Variants in ZNF827 observed in about 807,000 individuals in gnomAD.
ZNF827 encodes the protein zinc finger protein 827.
ZNF827 carries 13 observed loss-of-function variants against 102.4 expected under a neutral mutation model. That is an observed-to-expected ratio of 0.13 (90% confidence interval 0.08 to 0.20). ZNF827 has a LOEUF of 0.20. ZNF827 is among the 10% of genes least tolerant of loss of function. ZNF827 has a pLI of 1.00. For synonymous variants in ZNF827, 523 were observed against 536.2 expected (o/e 0.98, Z 0.34); for missense variants, 1,103 against 1,344.4 (o/e 0.82, Z 2.81).
chr4:145,768,630 A>G (rs1395763622), intron 11 of ZNF827, among the ~76,000 whole-genome samples: 1 of 151,448 alleles, frequency 6.6e-6, no homozygotes, highest in Non-Finnish European at 1.5e-5. Flanking sequence ...ACTGTTCTCC[A>G]ATTATCTTCA....
At chr4:145,882,132 G>A (rs1177347053) in intron 4 of ZNF827, among the ~76,000 whole-genome samples, 7 of 152,240 alleles carry the variant, frequency 4.6e-5, no homozygotes, top group South Asian at 2.1e-4. Context: ...TTAGCTCTCC[G>A]CAGTCGGGTG....
chr4:145,816,898 G>T (rs1047791490), intron 8 of ZNF827, among the ~76,000 whole-genome samples: 2 of 152,174 alleles, frequency 1.3e-5, no homozygotes, highest in Non-Finnish European at 2.9e-5. Context: ...AAATGTTCCT[G>T]CAAACTAGAA....
chr4:145,779,637 T>C, intron 8 of ZNF827, 126 bp from the exon 9 acceptor site: 1 of 1,294,152 alleles, frequency 7.7e-7, no homozygotes, highest in Non-Finnish European at 1.1e-6. Context: ...CAAATGAGTC[T>C]CCGTAACTGG....
Position 145,760,780 on chromosome 4 carries a change from C to T in ZNF827, c.*836G>A. ...TTTTGGTACAGAACATGGCTGCCCT[C>T]AGACAGTCTCTGCTCTTTCTCTCAG... On this transcript the variant is annotated 3_prime_UTR_variant, in exon 15 of 15. Coordinates refer to ENST00000508784, the MANE Select transcript of ZNF827 (RefSeq NM_001306215.2). 8.7e-7 allele frequency: 1 copy of T among 1,147,908 alleles called. No individual in the cohort carries two copies. Among genetic ancestry groups the T allele is most frequent in the South Asian group, 1.8e-5 (1 of 54,618 alleles). The allele number at this position is 1,147,908 out of a possible 1,614,324, so 71.1% of individuals were successfully genotyped here.
At chr4:145,881,984 T>C (rs140065644) in intron 4 of ZNF827, among the ~76,000 whole-genome samples, 102 of 152,328 alleles carry the variant, frequency 6.7e-4, no homozygotes, top group East Asian at 3.5e-3. Context: ...AAAATACCAA[T>C]GTCCAGGGCC....
At chr4:145,886,467 A>G (rs1375685210) in intron 3 of ZNF827, among the ~76,000 whole-genome samples, 1 of 152,200 alleles carries the variant, frequency 6.6e-6, no homozygotes, top group Non-Finnish European at 1.5e-5. Context: ...CAGAGAAAAT[A>G]TTATAAACCC....
chr4:145,937,984 C>G (rs1754347901), intron 1 of ZNF827, among the ~76,000 whole-genome samples: 1 of 150,574 alleles, frequency 6.6e-6, no homozygotes, highest in African/African-American at 2.4e-5. Context: ...CCACCTCCCC[C>G]CACCAAACCC....
chr4:145,781,195 C>CAAAAAAAAAAAAAAAAAAAAGAAAAAAAA (rs1737946510), intron 8 of ZNF827, among the ~76,000 whole-genome samples: 1 of 56,546 alleles, frequency 1.8e-5, no homozygotes. Context: ...GACACCATCT[C>CAAAAAAAAAAAAAAAAAAAAGAAAAAAAA]AAAAAAAAAA....
At chr4:145,804,405 A>G (rs974806445) in intron 8 of ZNF827, among the ~76,000 whole-genome samples, 1 of 152,160 alleles carries the variant, frequency 6.6e-6, no homozygotes, top group African/African-American at 2.4e-5. Flanking sequence ...GCTTGGCTGA[A>G]GAATGGTACA....
At position 145,760,907 on chromosome 4, in the gene ZNF827, A is replaced by G. The variant is rs1233371181; in HGVS notation, c.*709T>C. On this transcript the variant is annotated 3_prime_UTR_variant, in exon 15 of 15. Transcript: ENST00000508784. ...GTGAGATCCAAGTGGTTCTTGGGGT[A>G]TAACATTGTCAAGGGAATGAGATGG... 44 of 1,233,656 alleles carry G rather than the reference A, an allele frequency of 3.6e-5. No individual in the cohort carries two copies. The highest frequency in any genetic ancestry group is 5.7e-5 in the East Asian group (1 of 17,480). The allele number at this position is 1,233,656 out of a possible 1,614,324, so 76.4% of individuals were successfully genotyped here.
intron 5 of ZNF827, among the ~76,000 whole-genome samples, chr4:145,855,354 T>A (rs1461902502): frequency 6.6e-6 from 1 of 152,202 alleles, no homozygotes; most frequent in African/African-American, 2.4e-5. Flanking sequence ...CTTATGAACC[T>A]CAAAGATACA....
At chr4:145,899,606 C>A (rs902192308) in intron 2 of ZNF827, among the ~76,000 whole-genome samples, 10 of 152,292 alleles carry the variant, frequency 6.6e-5, no homozygotes, top group African/African-American at 2.2e-4. Flanking sequence ...GTAGGATGGG[C>A]CCACGTGGAC....
intron 7 of ZNF827, among the ~76,000 whole-genome samples, chr4:145,842,608 T>C (rs1360733977): frequency 6.6e-6 from 1 of 152,090 alleles, no homozygotes; most frequent in Non-Finnish European, 1.5e-5. Flanking sequence ...CTTTCTTCAG[T>C]TTTGTGTCTC....
At chr4:145,820,754 G>T (rs972059862) in intron 8 of ZNF827, among the ~76,000 whole-genome samples, 4 of 152,110 alleles carry the variant, frequency 2.6e-5, no homozygotes, top group Admixed American at 1.3e-4. Context: ...TCCCAGCTAG[G>T]CTCCTGTCAT....
chr4:145,934,825 C>T lies in ZNF827; in HGVS notation c.43+3540G>A, dbSNP rs1374992516. Among the ~76,000 whole-genome samples, 3 of 152,160 alleles carry T rather than the reference C, an allele frequency of 2.0e-5. No homozygotes were observed. The East Asian group carries it at 5.8e-4, about 29-fold the overall frequency. Reference sequence around the variant, plus strand: ...ATGCTGTAGAATCCTTAGGGGGGTGCAGACACAGGGAGAGACCTAAGAGGA... The same window carrying T: ...ATGCTGTAGAATCCTTAGGGGGGTGTAGACACAGGGAGAGACCTAAGAGGA... On this transcript the variant is annotated intron_variant, in intron 1 of 14. Coordinates refer to ENST00000508784, the MANE Select transcript of ZNF827 (RefSeq NM_001306215.2).
At chr4:145,921,104 T>A (rs957118268) in intron 1 of ZNF827, among the ~76,000 whole-genome samples, 1 of 152,142 alleles carries the variant, frequency 6.6e-6, no homozygotes, top group Non-Finnish European at 1.5e-5. Flanking sequence ...CTCAGAGAAC[T>A]GAGTGTTGCA....
intron 5 of ZNF827, among the ~76,000 whole-genome samples, chr4:145,852,047 G>A (rs1746586271): frequency 6.6e-6 from 1 of 152,104 alleles, no homozygotes; most frequent in Non-Finnish European, 1.5e-5. Context: ...TAAACAGTGG[G>A]GTCAGTGTCA....
chr4:145,833,863 T>G (rs1171016444), intron 7 of ZNF827, among the ~76,000 whole-genome samples: 1 of 151,878 alleles, frequency 6.6e-6, no homozygotes, highest in East Asian at 1.9e-4. Flanking sequence ...CCCTGACCTC[T>G]TATCTCTGCG....
intron 2 of ZNF827, among the ~76,000 whole-genome samples, chr4:145,892,997 A>G (rs1411356228): frequency 6.6e-6 from 1 of 152,250 alleles, no homozygotes; most frequent in African/African-American, 2.4e-5. Context: ...GCTTGAGCAG[A>G]TGCTGCTGCC....
Sources: gnomAD v4.1 joint callset for allele counts (sites outside exome capture counted in the v4.1 genomes callset) on GRCh38, gnomAD v4.1.1 for gene constraint, MANE v1.5 for transcripts, NCBI Gene and HGNC (gene_info 2026-07-23, HGNC 2026-07-21) for gene names.